Variants in DYNC1I1 observed in about 807,000 individuals in gnomAD.
DYNC1I1 encodes dynein cytoplasmic 1 intermediate chain 1.
DYNC1I1 carries 43 observed loss-of-function variants against 86.6 expected under a neutral mutation model. The ratio of observed to expected loss-of-function variants is 0.50; its 90% CI spans 0.39 to 0.64. DYNC1I1 has a LOEUF of 0.64. Ranked by LOEUF, DYNC1I1 falls within the 30% of genes least tolerant of loss-of-function variation. DYNC1I1 has a pLI of 0.00. For synonymous variants in DYNC1I1, 262 were observed against 283.7 expected, an observed-to-expected ratio of 0.92 and a Z score of 0.77; for missense variants, 604 against 788.8, an observed-to-expected ratio of 0.77 and a Z score of 2.81.
At chr7:96,105,301 T>G (rs1791199271) in intron 16 of DYNC1I1, among the ~76,000 whole-genome samples, 1 of 152,000 alleles carries the variant, frequency 6.6e-6, no homozygotes, top group Non-Finnish European at 1.5e-5. Context: ...CTTATCTTTT[T>G]TCCTCCTGTT....
chr7:96,021,602 A>AT (rs1433128563), intron 10 of DYNC1I1, among the ~76,000 whole-genome samples: 2 of 152,172 alleles, frequency 1.3e-5, no homozygotes, highest in East Asian at 3.8e-4. Context: ...GACAATTAGC[A>AT]TTGTCTAATT....
At chr7:96,011,690 G>A (rs923667295) in intron 10 of DYNC1I1, among the ~76,000 whole-genome samples, 5 of 152,102 alleles carry the variant, frequency 3.3e-5, no homozygotes, top group Non-Finnish European at 7.4e-5. Flanking sequence ...AGAAAATTTC[G>A]AAGTGGTGGT....
In DYNC1I1 at chr7:96,028,073, A is replaced by G. The variant is rs371014160; in HGVS notation, c.970-102A>G. On this transcript the variant is annotated intron_variant, in intron 10 of 16. Coordinates refer to ENST00000447467, the MANE Select transcript of DYNC1I1 (RefSeq NM_001135556.2). ...GCTTTAAATTATTTTTTTGTTTTCCAGGATGTGTTGAGTTTATGTGATGAA... is the reference window on the plus strand; with the variant it reads ...GCTTTAAATTATTTTTTTGTTTTCCGGGATGTGTTGAGTTTATGTGATGAA... The G allele has an allele frequency of 4.4e-5, 64 of 1,446,244 alleles. 1 individual carries two copies. In the South Asian group the frequency reaches 7.5e-4, roughly 17 times the overall value. The allele number at this position is 1,446,244 out of a possible 1,614,324, so 89.6% of individuals were successfully genotyped here.
chr7:96,017,248 G>C (rs1794425868), intron 10 of DYNC1I1, among the ~76,000 whole-genome samples: 1 of 152,140 alleles, frequency 6.6e-6, no homozygotes, highest in Non-Finnish European at 1.5e-5. Flanking sequence ...AAAGAAAACT[G>C]TTGCTTTTTA....
chr7:95,911,102 G>A (rs1032489316), intron 6 of DYNC1I1, among the ~76,000 whole-genome samples: 2 of 152,178 alleles, frequency 1.3e-5, no homozygotes, highest in African/African-American at 4.8e-5. Context: ...GGATAGCTGG[G>A]CTACTCTGCC....
At chr7:95,986,377 C>G (rs561709660) in intron 8 of DYNC1I1, among the ~76,000 whole-genome samples, 1 of 152,246 alleles carries the variant, frequency 6.6e-6, no homozygotes, top group South Asian at 2.1e-4. Context: ...AGCTGCATAA[C>G]CAGCACTGAG....
chr7:96,020,356 A>T, intron 10 of DYNC1I1, among the ~76,000 whole-genome samples: 2 of 152,074 alleles, frequency 1.3e-5, no homozygotes, highest in East Asian at 3.9e-4. Context: ...TCTTACATGG[A>T]TGGCAGCAGG....
At chr7:96,070,633 C>G (rs1211980175) in intron 14 of DYNC1I1, among the ~76,000 whole-genome samples, 1 of 152,030 alleles carries the variant, frequency 6.6e-6, no homozygotes, top group Non-Finnish European at 1.5e-5. Flanking sequence ...CATGGTACCC[C>G]CTACCACCTA....
intron 9 of DYNC1I1, among the ~76,000 whole-genome samples, chr7:95,992,396 G>C (rs965921216): frequency 6.6e-6 from 1 of 152,102 alleles, no homozygotes; most frequent in African/African-American, 2.4e-5. Flanking sequence ...AAAGGAGAAG[G>C]CTTTTGAAGC....
chr7:95,886,797 T>C lies in DYNC1I1; in HGVS notation c.490+16799T>C, dbSNP rs1375845143. ...ACATTTCAGTTTTATCTGGAGAACA[T>C]ATGAAAGGAGCAGCAGTGATCACAG... On this transcript the variant is annotated intron_variant, in intron 6 of 16. Transcript: ENST00000447467. Among the ~76,000 whole-genome samples the C allele has an allele frequency of 3.0e-4, 45 of 152,126 alleles. 1 individual carries two copies. The highest frequency in any genetic ancestry group is 4.4e-5 in the Non-Finnish European group (3 of 68,020).
In DYNC1I1 at chr7:95,783,442, G is replaced by A. The variant is rs79026675; in HGVS notation, c.-10+10669G>A. Reference sequence around the variant, plus strand: ...CATGAAAATGAAAAAGTTACAGATCGTAGGGGCCAATGTCTAATAGAGGGA... The same window carrying A: ...CATGAAAATGAAAAAGTTACAGATCATAGGGGCCAATGTCTAATAGAGGGA... On this transcript the variant is annotated intron_variant, in intron 1 of 16. Coordinates refer to ENST00000447467, the MANE Select transcript of DYNC1I1 (RefSeq NM_001135556.2). Among the ~76,000 whole-genome samples, 971 of 152,254 alleles carry A rather than the reference G, an allele frequency of 6.4e-3. 22 individuals carry two copies. Among genetic ancestry groups the A allele is most frequent in the East Asian group, 0.018 (92 of 5,174 alleles).
chr7:96,016,505 C>G (rs2115880863), intron 10 of DYNC1I1, among the ~76,000 whole-genome samples: 1 of 152,182 alleles, frequency 6.6e-6, no homozygotes, highest in African/African-American at 2.4e-5. Flanking sequence ...GTGAATCCTA[C>G]AAATTCAAAA....
chr7:95,887,662 G>C (rs1786936599), intron 6 of DYNC1I1, among the ~76,000 whole-genome samples: 1 of 152,132 alleles, frequency 6.6e-6, no homozygotes, highest in South Asian at 2.1e-4. Context: ...TTAAATACCT[G>C]TATTTCAAAG....
In DYNC1I1 at chr7:95,835,675, G is replaced by A. The variant is rs374169358; in HGVS notation, c.374+7559G>A. 5.3e-5 allele frequency among the ~76,000 whole-genome samples: 8 copies of A among 152,116 alleles called. 1 individual carries two copies. Among genetic ancestry groups the A allele is most frequent in the East Asian group, 1.9e-4 (1 of 5,158 alleles). On this transcript the variant is annotated intron_variant, in intron 5 of 16. Coordinates refer to ENST00000447467, the MANE Select transcript of DYNC1I1 (RefSeq NM_001135556.2). ...GTGCTCCTGTATTGGGTGCATATATGTTTAGGATAGTTAGCTCTTCTTGTT... is the reference window on the plus strand; with the variant it reads ...GTGCTCCTGTATTGGGTGCATATATATTTAGGATAGTTAGCTCTTCTTGTT...
At chr7:96,039,132 G>GTAAAA in intron 13 of DYNC1I1, 145 bp from the exon 14 acceptor site, 1 of 880,598 alleles carries the variant, frequency 1.1e-6, no homozygotes, top group Non-Finnish European at 1.7e-6. Context: ...CAGGATAACT[G>GTAAAA]TAAAAATGAT....
chr7:95,931,643 A>C (rs1302554468), intron 6 of DYNC1I1, among the ~76,000 whole-genome samples: 1 of 152,158 alleles, frequency 6.6e-6, no homozygotes, highest in Non-Finnish European at 1.5e-5. Flanking sequence ...TTTGTAAATA[A>C]AGTTTTGTTG....
chr7:95,816,885 A>C (rs1043519721), intron 4 of DYNC1I1, among the ~76,000 whole-genome samples: 5 of 152,222 alleles, frequency 3.3e-5, no homozygotes, highest in African/African-American at 1.2e-4. Flanking sequence ...AAATGTAGCA[A>C]ACTAGGAATA....
chr7:95,848,110 A>G (rs1789481553), intron 5 of DYNC1I1, among the ~76,000 whole-genome samples: 1 of 152,122 alleles, frequency 6.6e-6, no homozygotes, highest in Admixed American at 6.6e-5. Context: ...CATAGTTATC[A>G]TAGTTATGGT....
At chr7:96,064,102 G>A (rs1789878779) in intron 14 of DYNC1I1, among the ~76,000 whole-genome samples, 1 of 152,064 alleles carries the variant, frequency 6.6e-6, no homozygotes, top group Non-Finnish European at 1.5e-5. Flanking sequence ...GTTGCCCTGT[G>A]GTGCTGGTTT....
Sources: gnomAD v4.1 joint callset for allele counts (sites outside exome capture counted in the v4.1 genomes callset) on GRCh38, gnomAD v4.1.1 for gene constraint, MANE v1.5 for transcripts, NCBI Gene and HGNC (gene_info 2026-07-23, HGNC 2026-07-21) for gene names.